The following GRIA4 variants were observed in gnomAD, a reference collection of about 807,000 sequenced individuals.
GRIA4 encodes glutamate ionotropic receptor AMPA type subunit 4.
GRIA4 carries 34 observed loss-of-function variants against 104.0 expected under a neutral mutation model. That is an observed-to-expected ratio of 0.33 (90% CI 0.25 to 0.44). The LOEUF is 0.44. Ranked by LOEUF, GRIA4 falls within the 20% of genes least tolerant of loss-of-function variation. The pLI, the probability that GRIA4 is intolerant of heterozygous loss-of-function variation, is 1.00. For missense variants in GRIA4, 750 were observed against 1,096.5 expected (o/e 0.68, Z 4.46); for synonymous variants, 386 against 381.9 (o/e 1.01, Z -0.13).
chr11:105,922,829 T>C (rs1024878370), intron 11 of GRIA4, among the ~76,000 whole-genome samples: 1 of 152,118 alleles, frequency 6.6e-6, no homozygotes, highest in African/African-American at 2.4e-5. Flanking sequence ...GTCATACTAA[T>C]AAAATAATTA....
chr11:105,759,456 T>G (rs1481005957), intron 4 of GRIA4, among the ~76,000 whole-genome samples: 1 of 152,140 alleles, frequency 6.6e-6, no homozygotes, highest in Non-Finnish European at 1.5e-5. Context: ...CTACTTTGAC[T>G]CTGTAAACTT....
At chr11:105,642,914 C>G (rs1049981564) in intron 3 of GRIA4, among the ~76,000 whole-genome samples, 2 of 152,170 alleles carry the variant, frequency 1.3e-5, no homozygotes, top group Non-Finnish European at 2.9e-5. Flanking sequence ...AATTGACTCA[C>G]AGTTCAACAT....
At chr11:105,881,931 A>T (rs1470342577) in intron 5 of GRIA4, among the ~76,000 whole-genome samples, 1 of 152,164 alleles carries the variant, frequency 6.6e-6, no homozygotes, top group Non-Finnish European at 1.5e-5. Flanking sequence ...TCCTGCTGTT[A>T]TCTTACAAGG....
intron 4 of GRIA4, among the ~76,000 whole-genome samples, chr11:105,854,463 T>C (rs778248112): frequency 1.3e-5 from 2 of 152,112 alleles, no homozygotes; most frequent in Non-Finnish European, 2.9e-5. Context: ...GACGTCAGTA[T>C]AAAGGAGCAA....
At chr11:105,866,899 A>C (rs1413409707) in intron 5 of GRIA4, among the ~76,000 whole-genome samples, 2 of 152,070 alleles carry the variant, frequency 1.3e-5, no homozygotes, top group African/African-American at 4.8e-5. Flanking sequence ...CCAAGTATTT[A>C]TCAGGAAAAG....
intron 3 of GRIA4, among the ~76,000 whole-genome samples, chr11:105,616,254 A>G (rs985750965): frequency 6.6e-6 from 1 of 151,662 alleles, no homozygotes; most frequent in Non-Finnish European, 1.5e-5. Flanking sequence ...TTACAAGATA[A>G]TGGATTGAAA....
At chr11:105,774,356 TA>T (rs1941360075) in intron 4 of GRIA4, among the ~76,000 whole-genome samples, 1 of 151,760 alleles carries the variant, frequency 6.6e-6, no homozygotes, top group South Asian at 2.1e-4. Flanking sequence ...TATTAAATAG[TA>T]AAAGATAAAA....
At chr11:105,852,511 G>A (rs974739355) in intron 4 of GRIA4, among the ~76,000 whole-genome samples, 3 of 152,058 alleles carry the variant, frequency 2.0e-5, no homozygotes, top group African/African-American at 4.8e-5. Flanking sequence ...GAAACAGAAC[G>A]TTTGCCGTTA....
At chr11:105,955,683 A>G (rs1948569578) in intron 14 of GRIA4, among the ~76,000 whole-genome samples, 1 of 152,182 alleles carries the variant, frequency 6.6e-6, no homozygotes, top group Non-Finnish European at 1.5e-5. Context: ...GAGATCCTTG[A>G]AGAATCACCA....
At chr11:105,813,670 A>G (rs564679835) in intron 4 of GRIA4, among the ~76,000 whole-genome samples, 86 of 152,264 alleles carry the variant, frequency 5.6e-4, no homozygotes, top group African/African-American at 2.0e-3. Flanking sequence ...CATTTGGACA[A>G]TTTACCAAAA....
At chr11:105,672,578 A>C (rs1952409456) in intron 3 of GRIA4, among the ~76,000 whole-genome samples, 1 of 152,194 alleles carries the variant, frequency 6.6e-6, no homozygotes, top group Admixed American at 6.6e-5. Context: ...GTCCCAGCAG[A>C]AACAGTTTAA....
intron 4 of GRIA4, among the ~76,000 whole-genome samples, chr11:105,756,407 G>T (rs561631311): frequency 6.6e-6 from 1 of 152,022 alleles, no homozygotes; most frequent in Admixed American, 6.6e-5. Context: ...CCTAATTACC[G>T]CATTCCACCA....
At chr11:105,694,427 G>C (rs188854199) in intron 3 of GRIA4, among the ~76,000 whole-genome samples, 2 of 152,074 alleles carry the variant, frequency 1.3e-5, no homozygotes, top group Admixed American at 6.6e-5. Context: ...GATTATAGGC[G>C]TAAGTCAATG....
chr11:105,833,302 C>G (rs1353588309), intron 4 of GRIA4, among the ~76,000 whole-genome samples: 2 of 151,998 alleles, frequency 1.3e-5, no homozygotes, highest in Non-Finnish European at 1.5e-5. Context: ...CCATCTCTCT[C>G]ATACGTACAC....
At chr11:105,948,423 T>C (rs1948370940) in intron 14 of GRIA4, among the ~76,000 whole-genome samples, 1 of 152,096 alleles carries the variant, frequency 6.6e-6, no homozygotes, top group Admixed American at 6.6e-5. Context: ...GTTAAATACA[T>C]ATTAAAATAT....
chr11:105,823,662 A>C (rs1427802672), intron 4 of GRIA4, among the ~76,000 whole-genome samples: 1 of 152,124 alleles, frequency 6.6e-6, no homozygotes, highest in East Asian at 1.9e-4. Flanking sequence ...AATAAGATCT[A>C]TGGATATTGC....
chr11:105,824,683 G>A (rs1051170032), intron 4 of GRIA4: 3 of 152,096 alleles, frequency 2.0e-5, no homozygotes, highest in South Asian at 4.1e-4. Flanking sequence ...TCTGAAGCAC[G>A]ATTATTACTA....
At chr11:105,792,111 T>C (rs1010629947) in intron 4 of GRIA4, among the ~76,000 whole-genome samples, 3 of 152,174 alleles carry the variant, frequency 2.0e-5, no homozygotes, top group African/African-American at 7.2e-5. Context: ...CATAAAACTA[T>C]ACTTGTTTCT....
chr11:105,698,361 C>G (rs2135514918), intron 3 of GRIA4, among the ~76,000 whole-genome samples: 1 of 152,208 alleles, frequency 6.6e-6, no homozygotes, highest in African/African-American at 2.4e-5. Flanking sequence ...TCATGAAAAA[C>G]ATGGCATCTT....
Sources: allele counts gnomAD v4.1 joint callset (sites outside exome capture counted in the v4.1 genomes callset), GRCh38; gene constraint gnomAD v4.1.1; transcripts MANE v1.5; gene names NCBI Gene and HGNC (gene_info 2026-07-23, HGNC 2026-07-21).